STAU2: variants seen among roughly 807,000 people sequenced by gnomAD.
STAU2 encodes staufen double-stranded RNA binding protein 2, also known as double-stranded RNA-binding protein Staufen homolog 2.
A neutral mutation model predicts 65.9 loss-of-function variants in STAU2; 20 were observed. The observed-to-expected ratio is 0.30, with a 90% confidence interval of 0.21 to 0.44. The LOEUF (loss-of-function observed/expected upper bound fraction) is 0.44. Among genes scored for constraint, STAU2 ranks in the 20% least tolerant of loss-of-function variants. The pLI, the probability that STAU2 is intolerant of heterozygous loss-of-function variation, is 1.00. For missense variants in STAU2, 558 were observed against 683.9 expected, an observed-to-expected ratio of 0.82 and a Z score of 2.05; for synonymous variants, 232 against 233.9, an observed-to-expected ratio of 0.99 and a Z score of 0.07.
At chr8:73,455,579 C>T (rs865956577) in intron 13 of STAU2, among the ~76,000 whole-genome samples, 8 of 152,078 alleles carry the variant, frequency 5.3e-5, no homozygotes, top group African/African-American at 1.4e-4. Flanking sequence ...TTCACAACCT[C>T]CAGAGACAGG....
At chr8:73,426,406 A>T (rs1032247891) in intron 13 of STAU2, among the ~76,000 whole-genome samples, 4 of 152,110 alleles carry the variant, frequency 2.6e-5, no homozygotes, top group Non-Finnish European at 5.9e-5. Flanking sequence ...AATAGAACTT[A>T]TTCCTCATAT....
chr8:73,454,953 C>A (rs974178310), intron 13 of STAU2, among the ~76,000 whole-genome samples: 1 of 151,840 alleles, frequency 6.6e-6, no homozygotes, highest in Non-Finnish European at 1.5e-5. Context: ...CCTCCCACCA[C>A]TAGGAGAGAG....
At chr8:73,596,480 A>G (rs1811195163) in intron 10 of STAU2, among the ~76,000 whole-genome samples, 1 of 152,222 alleles carries the variant, frequency 6.6e-6, no homozygotes, top group African/African-American at 2.4e-5. Flanking sequence ...TAGAAAATAC[A>G]CAACTATAGT....
chr8:73,421,719 C>T (rs926844311), intron 14 of STAU2, among the ~76,000 whole-genome samples: 1 of 152,340 alleles, frequency 6.6e-6, no homozygotes, highest in South Asian at 2.1e-4. Context: ...GTTTTCTTCT[C>T]ACGCTCTCAC....
intron 3 of STAU2, among the ~76,000 whole-genome samples, chr8:73,715,175 G>C (rs1360247820): frequency 1.3e-5 from 2 of 151,328 alleles, no homozygotes; most frequent in African/African-American, 4.9e-5. Flanking sequence ...AGGAAAAAAG[G>C]GCAAAGTTAC....
chr8:73,527,511 T>C (rs142927549), intron 13 of STAU2: 109 of 437,886 alleles, frequency 2.5e-4, no homozygotes, highest in Non-Finnish European at 3.8e-4. Context: ...ATAATTTAAA[T>C]CTACTATGAT....
At chr8:73,464,614 A>ACG (rs778692447) in intron 13 of STAU2, among the ~76,000 whole-genome samples, 2 of 152,156 alleles carry the variant, frequency 1.3e-5, no homozygotes, top group Non-Finnish European at 2.9e-5. Context: ...ACACACACAC[A>ACG]CACACACACA....
At chr8:73,449,597 C>T (rs1818683992) in intron 13 of STAU2, among the ~76,000 whole-genome samples, 1 of 152,184 alleles carries the variant, frequency 6.6e-6, no homozygotes, top group African/African-American at 2.4e-5. Flanking sequence ...TCCCAGGCAC[C>T]AACTGGAACC....
intron 13 of STAU2, among the ~76,000 whole-genome samples, chr8:73,442,047 T>C (rs1367031183): frequency 6.6e-6 from 1 of 152,124 alleles, no homozygotes; most frequent in Non-Finnish European, 1.5e-5. Flanking sequence ...CAAACTTGGT[T>C]TGGCAATTTT....
intron 5 of STAU2, among the ~76,000 whole-genome samples, chr8:73,687,549 AATT>A (rs1054327206): frequency 9.9e-5 from 14 of 140,978 alleles, no homozygotes; most frequent in Non-Finnish European, 1.8e-4. Flanking sequence ...TAAAAAGAGA[AATT>A]AATCATTTTT....
chr8:73,543,690 G>A (rs1340929992), intron 13 of STAU2, among the ~76,000 whole-genome samples: 1 of 152,150 alleles, frequency 6.6e-6, no homozygotes, highest in African/African-American at 2.4e-5. Context: ...TCACTTTCAT[G>A]TTATATACTC....
At chr8:73,535,586 C>T (rs1427019716) in intron 13 of STAU2, among the ~76,000 whole-genome samples, 7 of 152,116 alleles carry the variant, frequency 4.6e-5, no homozygotes, top group African/African-American at 1.2e-4. Flanking sequence ...ACATTTCCAT[C>T]GAAAGAAAAC....
chr8:73,630,637 G>T (rs1465476999), intron 6 of STAU2, among the ~76,000 whole-genome samples: 1 of 152,134 alleles, frequency 6.6e-6, no homozygotes, highest in African/African-American at 2.4e-5. Context: ...CCAAAGAGTG[G>T]ATGTTGACAT....
At chr8:73,427,211 A>G (rs1193561529) in intron 13 of STAU2, among the ~76,000 whole-genome samples, 3 of 152,256 alleles carry the variant, frequency 2.0e-5, no homozygotes, top group South Asian at 2.1e-4. Flanking sequence ...TACATGCGTG[A>G]GCCACTGTGC....
chr8:73,498,531 T>G (rs1044929979), intron 13 of STAU2, among the ~76,000 whole-genome samples: 2 of 151,806 alleles, frequency 1.3e-5, no homozygotes, highest in African/African-American at 4.8e-5. Flanking sequence ...TGGGGTGACA[T>G]AAAAACTCAA....
In STAU2 at chr8:73,422,703, C is replaced by G; in HGVS notation, c.1531-1G>C. 1.4e-6 allele frequency: 2 copies of G among 1,459,770 alleles called. No individual in the cohort carries two copies. The highest frequency in any genetic ancestry group is 2.7e-5 in the East Asian group (1 of 37,188). The allele number at this position is 1,459,770 out of a possible 1,614,324, so 90.4% of individuals were successfully genotyped here. ...ATTGTTTCAAGGCACTTAAGGCTGC[C>G]TAAAAATGAAAACAAACAGAGAGAG... On this transcript the variant is annotated splice_acceptor_variant, in intron 13 of 14. Coordinates refer to ENST00000524300, the MANE Select transcript of STAU2 (RefSeq NM_001164380.2). LOFTEE classifies it high-confidence loss of function.
chr8:73,531,437 A>T (rs1160760832), intron 13 of STAU2, among the ~76,000 whole-genome samples: 1 of 152,192 alleles, frequency 6.6e-6, no homozygotes, highest in East Asian at 1.9e-4. Context: ...ACCAGATAAA[A>T]ATATGTAGGG....
In STAU2 at chr8:73,709,004, G is replaced by A. The variant is rs1265138969; in HGVS notation, c.114+28C>T. On this transcript the variant is annotated intron_variant, in intron 4 of 14. Coordinates refer to ENST00000524300, the MANE Select transcript of STAU2 (RefSeq NM_001164380.2). ...ATAAATCTGTTAGTCTGATAAGTAT[G>A]TCTCACCACCTCTCTTCATAACCTT... The A allele has an allele frequency of 2.0e-6, 3 of 1,474,928 alleles. No homozygotes were observed. The African/African-American group carries it at 4.3e-5, about 21-fold the overall frequency. The allele number at this position is 1,474,928 out of a possible 1,614,324, so 91.4% of individuals were successfully genotyped here.
chr8:73,485,803 C>T (rs1820881401), intron 13 of STAU2, among the ~76,000 whole-genome samples: 1 of 152,078 alleles, frequency 6.6e-6, no homozygotes, highest in Non-Finnish European at 1.5e-5. Flanking sequence ...CACAGCACTC[C>T]AGCCTGGACA....
Sources: gnomAD v4.1 joint callset for allele counts (sites outside exome capture counted in the v4.1 genomes callset) on GRCh38, gnomAD v4.1.1 for gene constraint, MANE v1.5 for transcripts, NCBI Gene and HGNC (gene_info 2026-07-23, HGNC 2026-07-21) for gene names.